The following IMMP2L variants were observed in gnomAD, a reference collection of about 807,000 sequenced individuals.
The protein encoded by IMMP2L is mitochondrial inner membrane protease subunit 2.
A neutral mutation model predicts 19.3 loss-of-function variants in IMMP2L; 18 were observed. That is an observed-to-expected ratio of 0.93 (90% CI 0.64 to 1.38). The LOEUF (loss-of-function observed/expected upper bound fraction) is 1.38. Ranked by LOEUF, IMMP2L falls within the 40% of genes most tolerant of loss-of-function variation. The pLI, the probability that IMMP2L is intolerant of heterozygous loss-of-function variation, is 0.00. For synonymous variants in IMMP2L, 76 were observed against 73.0 expected (o/e 1.04, Z -0.21); for missense variants, 233 against 218.2 (o/e 1.07, Z -0.43).
intron 5 of IMMP2L, among the ~76,000 whole-genome samples, chr7:110,872,908 G>A (rs1437918633): frequency 6.6e-6 from 1 of 152,160 alleles, no homozygotes; most frequent in Non-Finnish European, 1.5e-5. Context: ...GCCTTGGAGT[G>A]GAAGCAACAG....
intron 3 of IMMP2L, among the ~76,000 whole-genome samples, chr7:111,321,774 T>C (rs531303681): frequency 6.6e-6 from 1 of 152,032 alleles, no homozygotes; most frequent in African/African-American, 2.4e-5. Flanking sequence ...AAAGAAAAAT[T>C]ATATGCTCAG....
chr7:111,356,566 G>A (rs1215090597), intron 3 of IMMP2L, among the ~76,000 whole-genome samples: 4 of 152,084 alleles, frequency 2.6e-5, no homozygotes, highest in Admixed American at 6.6e-5. Flanking sequence ...CTTATTCAAC[G>A]TTAAATCCCA....
chr7:111,257,306 G>T (rs1010389444), intron 3 of IMMP2L, among the ~76,000 whole-genome samples: 9 of 152,164 alleles, frequency 5.9e-5, no homozygotes, highest in Admixed American at 5.2e-4. Context: ...CTGAAAATTA[G>T]TCCAAAAGCC....
At chr7:110,700,273 G>T (rs759136632) in intron 5 of IMMP2L, among the ~76,000 whole-genome samples, 5 of 152,148 alleles carry the variant, frequency 3.3e-5, no homozygotes, top group Non-Finnish European at 5.9e-5. Flanking sequence ...CATTGCCCCA[G>T]TGTTGGTTTT....
At chr7:110,766,113 T>G (rs561422354) in intron 5 of IMMP2L, among the ~76,000 whole-genome samples, 1 of 152,160 alleles carries the variant, frequency 6.6e-6, no homozygotes, top group Non-Finnish European at 1.5e-5. Context: ...TGTGACTGTA[T>G]TGGTTATTGA....
At chr7:110,909,187 C>T (rs1438506520) in intron 4 of IMMP2L, among the ~76,000 whole-genome samples, 2 of 152,100 alleles carry the variant, frequency 1.3e-5, no homozygotes, top group Non-Finnish European at 2.9e-5. Flanking sequence ...GCAGTAGGAA[C>T]ACAGTATGAA....
chr7:110,949,745 T>A (rs12537585), intron 4 of IMMP2L, among the ~76,000 whole-genome samples: 99,038 of 151,938 alleles, frequency 0.65, 33,210 homozygotes, highest in African/African-American at 0.81. Context: ...ACAAGAAAAA[T>A]ATATTAAAAA....
chr7:110,950,624 T>G (rs995628341), intron 4 of IMMP2L, among the ~76,000 whole-genome samples: 3 of 151,502 alleles, frequency 2.0e-5, no homozygotes, highest in African/African-American at 7.3e-5. Flanking sequence ...ATATTAGCCT[T>G]CCCATGTTCT....
intron 1 of IMMP2L, among the ~76,000 whole-genome samples, chr7:111,544,287 C>T (rs990674890): frequency 2.0e-5 from 3 of 151,924 alleles, no homozygotes; most frequent in South Asian, 2.1e-4. Context: ...AGGAGATATA[C>T]CTAATGTAAA....
At chr7:111,490,755 C>T (rs1366018456) in intron 2 of IMMP2L, among the ~76,000 whole-genome samples, 3 of 152,064 alleles carry the variant, frequency 2.0e-5, no homozygotes, top group Non-Finnish European at 4.4e-5. Context: ...TAACTATTAT[C>T]TAATTAATAA....
rs1562840092 is a variant in IMMP2L, at chr7:111,136,975, T to G, written c.240-173410A>C. The stretch of plus-strand genomic sequence containing the variant: ...CTCCATGTTAAACAAATTGAAAGGT[T>G]GAAAGGTGGTTAGCTTGCTGTTGAA... On this transcript the variant is annotated intron_variant, in intron 3 of 5. Transcript: ENST00000405709. 3.9e-5 allele frequency among the ~76,000 whole-genome samples: 6 copies of G among 152,108 alleles called. 1 individual carries two copies. The South Asian group carries it at 1.0e-3, about 26-fold the overall frequency.
rs149361458 is a variant in IMMP2L at position 111,532,209 on chromosome 7, A to C, written c.-2-10760T>G. Among the ~76,000 whole-genome samples, 722 of 152,272 alleles carry C rather than the reference A, an allele frequency of 4.7e-3. 5 individuals are homozygous for C. The highest frequency in any genetic ancestry group is 0.017 in the African/African-American group (688 of 41,574). ...GACAGCCAGTTTCCAAAGCACGGTC[A>C]TCCAAGTACCAAGCTTTGCTGTTCC... On this transcript the variant is annotated intron_variant, in intron 1 of 5. Coordinates refer to ENST00000405709, the MANE Select transcript of IMMP2L (RefSeq NM_032549.4).
intron 3 of IMMP2L, among the ~76,000 whole-genome samples, chr7:111,436,899 G>T (rs1417419789): frequency 6.6e-6 from 1 of 151,720 alleles, no homozygotes; most frequent in Admixed American, 6.6e-5. Flanking sequence ...AAGAGAGCAA[G>T]CAAGAGTGGA....
intron 3 of IMMP2L, among the ~76,000 whole-genome samples, chr7:111,018,609 C>T (rs893230977): frequency 1.3e-5 from 2 of 152,012 alleles, no homozygotes; most frequent in Non-Finnish European, 2.9e-5. Context: ...TAATACTCAA[C>T]CCCTACAATG....
chr7:110,750,311 T>G (rs1419715082), intron 5 of IMMP2L, among the ~76,000 whole-genome samples: 1 of 152,068 alleles, frequency 6.6e-6, no homozygotes, highest in African/African-American at 2.4e-5. Context: ...CTCAGCACTC[T>G]GTTTATTTCA....
chr7:110,716,210 C>A (rs1358892569), intron 5 of IMMP2L, among the ~76,000 whole-genome samples: 1 of 151,854 alleles, frequency 6.6e-6, no homozygotes, highest in Non-Finnish European at 1.5e-5. Context: ...AGATGGGTCT[C>A]TTGAAGAGAG....
At chr7:110,666,032 A>G (rs1024818830) in intron 5 of IMMP2L, among the ~76,000 whole-genome samples, 3 of 152,164 alleles carry the variant, frequency 2.0e-5, no homozygotes, top group Admixed American at 6.5e-5. Flanking sequence ...CTCTATTGTA[A>G]TATCAAGAAG....
intron 3 of IMMP2L, among the ~76,000 whole-genome samples, chr7:110,971,965 T>C (rs1359676385): frequency 6.6e-6 from 1 of 152,046 alleles, no homozygotes; most frequent in Non-Finnish European, 1.5e-5. Flanking sequence ...AAATGCTCAC[T>C]CTCCTGGAGA....
chr7:111,057,224 A>G (rs1793596354), intron 3 of IMMP2L, among the ~76,000 whole-genome samples: 1 of 152,136 alleles, frequency 6.6e-6, no homozygotes, highest in Non-Finnish European at 1.5e-5. Flanking sequence ...GGCATGGTGC[A>G]TTCACCCATA....
Sources: gnomAD v4.1 joint callset for allele counts (sites outside exome capture counted in the v4.1 genomes callset) on GRCh38, gnomAD v4.1.1 for gene constraint, MANE v1.5 for transcripts, NCBI Gene and HGNC (gene_info 2026-07-23, HGNC 2026-07-21) for gene names.